OR2T10: variants seen among roughly 807,000 people sequenced by gnomAD.
OR2T10 encodes the protein olfactory receptor 2T10.
For synonymous variants in OR2T10, 125 were observed against 141.8 expected (o/e 0.88, Z 0.84); for missense variants, 335 against 382.5 (o/e 0.88, Z 1.04).
Position 248,591,965 on chromosome 1 carries a change from A to G in OR2T10, c.*865T>C, listed in dbSNP as rs763730172. The stretch of plus-strand genomic sequence containing the variant: ...ATGTTATTTGTTAAATACAAATACA[A>G]CCATGCACATACGTAAAACTGTGAT... On this transcript the variant is annotated 3_prime_UTR_variant, in exon 2 of 2. Coordinates refer to ENST00000642090, the MANE Select transcript of OR2T10 (RefSeq NM_001004693.2). 2.1e-5 allele frequency: 3 copies of G among 144,376 alleles called. 1 individual carries two copies. Among genetic ancestry groups the G allele is most frequent in the Non-Finnish European group, 3.0e-5 (2 of 66,486 alleles). The allele number at this position is 144,376 out of a possible 1,614,324, so 8.9% of individuals were successfully genotyped here.
chr1:248,590,657 G>A lies in OR2T10; in HGVS notation c.*2173C>T, dbSNP rs1029438998. The A allele has an allele frequency of 7.0e-5, 10 of 142,694 alleles. 2 individuals carry two copies. Among genetic ancestry groups the A allele is most frequent in the Admixed American group, 1.4e-4 (2 of 14,658 alleles). The allele number at this position is 142,694 out of a possible 1,614,324, so 8.8% of individuals were successfully genotyped here. ...ATTCTATTTGGCCCATCTGTTTCAC[G>A]TCTCTTTTTCATTCTTTCGTTGCTT... On this transcript the variant is annotated 3_prime_UTR_variant, in exon 2 of 2. Transcript: ENST00000642090.
chr1:248,595,968 C>G (rs1406103178), intron 1 of OR2T10, among the ~76,000 whole-genome samples: 1 of 143,262 alleles, frequency 7.0e-6, no homozygotes, highest in Non-Finnish European at 1.5e-5. Context: ...CAGCCCTGCT[C>G]CAGCCACTGT....
chr1:248,596,331 C>T (rs1379590583), intron 1 of OR2T10, among the ~76,000 whole-genome samples: 2 of 142,988 alleles, frequency 1.4e-5, no homozygotes, highest in Admixed American at 6.8e-5. Flanking sequence ...AACTCTAGGT[C>T]TATGTAAGGA....
rs1171926109 is a variant in OR2T10, at chr1:248,596,712, T to A, written c.-29+780A>T. On this transcript the variant is annotated intron_variant, in intron 1 of 1. Coordinates refer to ENST00000642090, the MANE Select transcript of OR2T10 (RefSeq NM_001004693.2). ...ACTGCTATTTCCAAAATGAAACCTT[T>A]ATGACAAAGCAAGCAAACCAGTTGT... Among the ~76,000 whole-genome samples the A allele has an allele frequency of 1.4e-5, 2 of 143,944 alleles. 1 individual carries two copies. 94.4% of individuals were successfully genotyped at this position (143,944 alleles called of 152,430 possible). A position where few individuals can be genotyped will look rare whatever the true frequency, so the allele number is the denominator to read the frequency against.
rs1264671587 is a variant in OR2T10 at position 248,593,654 on chromosome 1, C to T, written c.115G>A (p.Val39Met). 1 of 1,559,010 alleles carries T rather than the reference C, an allele frequency of 6.4e-7. No homozygotes were observed. Among genetic ancestry groups the T allele is most frequent in the Non-Finnish European group, 8.7e-7 (1 of 1,147,002 alleles). The change falls in exon 2 of 2, where the codon GTG becomes ATG. Residue 39 changes from valine to methionine, a missense_variant. Val to Met is a conservative substitution (Grantham distance 21). Transcript: ENST00000642090. ...AGTATCAATGTAATATTCCAAGACA[C>T]AGCCATCAAAAATATACTGAAGATA... ...LLIFSIFLMA[V>M]SWNITLILLI... is the part of the protein sequence containing the mutation.
At position 248,592,703 on chromosome 1, in the gene OR2T10, C is replaced by A. The variant is rs1660028570; in HGVS notation, c.*127G>T. On this transcript the variant is annotated 3_prime_UTR_variant, in exon 2 of 2. Transcript: ENST00000642090. Reference sequence around the variant, plus strand: ...GATTATAGGAGGGAAGAACACTGGGCTGAATCCCCCTGAAGGACAACTCAG... The same window carrying A: ...GATTATAGGAGGGAAGAACACTGGGATGAATCCCCCTGAAGGACAACTCAG... 8.6e-6 allele frequency: 5 copies of A among 579,922 alleles called. No individual in the cohort carries two copies. In the Admixed American group the frequency reaches 9.3e-5, roughly 11 times the overall value. 35.9% of individuals were successfully genotyped at this position (579,922 alleles called of 1,614,324 possible). A position where few individuals can be genotyped will look rare whatever the true frequency, so the allele number is the denominator to read the frequency against.
At position 248,595,159 on chromosome 1, in the gene OR2T10, CTA is replaced by C. The variant is rs1660072590; in HGVS notation, c.-28-1365_-28-1364del. 1.4e-5 allele frequency: 2 copies of C among 142,932 alleles called. 1 individual carries two copies. Among genetic ancestry groups the C allele is most frequent in the African/African-American group, 5.6e-5 (2 of 36,020 alleles). 8.9% of individuals were successfully genotyped at this position (142,932 alleles called of 1,614,324 possible). ...GGTCAGCCCTTTCCCGTTGATAGCACTATCTTTCTCTTGTTCAGAATTCTGTG... is the reference window on the plus strand; with the variant it reads ...GGTCAGCCCTTTCCCGTTGATAGCACTCTTTCTCTTGTTCAGAATTCTGTG... On this transcript the variant is annotated intron_variant, in intron 1 of 1. Transcript: ENST00000642090.
chr1:248,594,306 C>T (rs1469753516), intron 1 of OR2T10, among the ~76,000 whole-genome samples: 2 of 143,246 alleles, frequency 1.4e-5, no homozygotes, highest in African/African-American at 2.8e-5. Flanking sequence ...TATATTAAGC[C>T]ACCAGTAATT....
In OR2T10 at chr1:248,596,061, CAAAT is replaced by C. The variant is rs770418647; in HGVS notation, c.-29+1427_-29+1430del. ...CCTGGACCAAAGGCGAAACCTGAGACAAATAAAACACACATGTGCCAAATTGAAT... is the reference window on the plus strand; with the variant it reads ...CCTGGACCAAAGGCGAAACCTGAGACAAAACACACATGTGCCAAATTGAAT... On this transcript the variant is annotated intron_variant, in intron 1 of 1. Coordinates refer to ENST00000642090, the MANE Select transcript of OR2T10 (RefSeq NM_001004693.2). Among the ~76,000 whole-genome samples the C allele has an allele frequency of 1.0e-4, 15 of 143,414 alleles. 1 individual carries two copies. The highest frequency in any genetic ancestry group is 6.1e-4 in the Admixed American group (9 of 14,680). The allele number at this position is 143,414 out of a possible 152,430, so 94.1% of individuals were successfully genotyped here. A position where few individuals can be genotyped will look rare whatever the true frequency, so the allele number is the denominator to read the frequency against.
intron 1 of OR2T10, among the ~76,000 whole-genome samples, chr1:248,595,923 A>C (rs1311375950): frequency 7.0e-6 from 1 of 143,412 alleles, no homozygotes; most frequent in Non-Finnish European, 1.5e-5. Context: ...CTCAGAAAGC[A>C]GAGAATCAGG....
Position 248,592,851 on chromosome 1 carries a change from G to A in OR2T10, c.918C>T (p.Ser306=), listed in dbSNP as rs61732538. 892 of 1,547,610 alleles carry A rather than the reference G, an allele frequency of 5.8e-4. 171 individuals are homozygous for A. The African/African-American group carries it at 0.012, about 21-fold the overall frequency. The change falls in exon 2 of 2, where the codon AGC becomes AGT. Residue 306 remains serine, a synonymous_variant. Coordinates refer to ENST00000642090, the MANE Select transcript of OR2T10 (RefSeq NM_001004693.2). Reference sequence around the variant, plus strand: ...CACTTTAATATGGAGGTTTCTGCACGCTCAGCATTTTTTTCAAAGCCCTTG... The same window carrying A: ...CACTTTAATATGGAGGTTTCTGCACACTCAGCATTTTTTTCAAAGCCCTTG... ...DVTRALKKML[S]VQKPPY is the part of the protein sequence containing the mutation.
In OR2T10 at chr1:248,597,528, T is replaced by C. The variant is rs1660110536; in HGVS notation, c.-65A>G. On this transcript the variant is annotated 5_prime_UTR_variant, in exon 1 of 2. An upstream open reading frame in the 5' UTR loses its in-frame stop. Coordinates refer to ENST00000642090, the MANE Select transcript of OR2T10 (RefSeq NM_001004693.2). ...AAGAAATGTAATACCCTGAGGAATT[T>C]TATTTCCAATAAGATACTTCCAGTA... The C allele has an allele frequency of 7.0e-6, 1 of 143,534 alleles. No homozygotes were observed. Among genetic ancestry groups the C allele is most frequent in the Admixed American group, 6.8e-5 (1 of 14,732 alleles). 8.9% of individuals were successfully genotyped at this position (143,534 alleles called of 1,614,324 possible). A position where few individuals can be genotyped will look rare whatever the true frequency, so the allele number is the denominator to read the frequency against.
chr1:248,597,291 T>TA (rs1373922947), intron 1 of OR2T10, among the ~76,000 whole-genome samples: 2 of 141,698 alleles, frequency 1.4e-5, no homozygotes, highest in African/African-American at 5.6e-5. Context: ...TTCTAAATTA[T>TA]AGCTTTGTAT....
At position 248,591,958 on chromosome 1, in the gene OR2T10, A is replaced by C. The variant is rs1476800234; in HGVS notation, c.*872T>G. The C allele has an allele frequency of 6.9e-6, 1 of 144,380 alleles. No homozygotes were observed. Among genetic ancestry groups the C allele is most frequent in the Non-Finnish European group, 1.5e-5 (1 of 66,486 alleles). 8.9% of individuals were successfully genotyped at this position (144,380 alleles called of 1,614,324 possible). A position where few individuals can be genotyped will look rare whatever the true frequency, so the allele number is the denominator to read the frequency against. On this transcript the variant is annotated 3_prime_UTR_variant, in exon 2 of 2. Transcript: ENST00000642090. ...AATTATTATGTTATTTGTTAAATACAAATACAACCATGCACATACGTAAAA... is the reference window on the plus strand; with the variant it reads ...AATTATTATGTTATTTGTTAAATACCAATACAACCATGCACATACGTAAAA...
At chr1:248,594,063 ATTTT>A (rs1467210176) in intron 1 of OR2T10, among the ~76,000 whole-genome samples, 2 of 140,768 alleles carry the variant, frequency 1.4e-5, no homozygotes, top group African/African-American at 5.8e-5. Context: ...ACTAATAGTT[ATTTT>A]TACTTATATA....
At chr1:248,594,260 T>A (rs1345688412) in intron 1 of OR2T10, among the ~76,000 whole-genome samples, 1 of 143,038 alleles carries the variant, frequency 7.0e-6, no homozygotes, top group Non-Finnish European at 1.5e-5. Context: ...TCGTTACAAA[T>A]CTACGAACAT....
At position 248,593,868 on chromosome 1, in the gene OR2T10, C is replaced by A. The variant is rs532129085; in HGVS notation, c.-28-72G>T. The A allele has an allele frequency of 9.5e-6, 6 of 633,864 alleles. 1 individual carries two copies. In the Admixed American group the frequency reaches 1.5e-4, roughly 16 times the overall value. The allele number at this position is 633,864 out of a possible 1,614,324, so 39.3% of individuals were successfully genotyped here. On this transcript the variant is annotated intron_variant, in intron 1 of 1. Coordinates refer to ENST00000642090, the MANE Select transcript of OR2T10 (RefSeq NM_001004693.2). ...TAAAAGTATGTTTGCTTCACTTTAC[C>A]TTTTAAAAATCAATGTGAAAATCAG...
In OR2T10 at chr1:248,592,348, C is replaced by T. The variant is rs1660022291; in HGVS notation, c.*482G>A. ...CTGCTTGGGGCAAGTCAGGGGAAGCCTCAAAGGCTGTTTTGTCATTTGTGA... is the reference window on the plus strand; with the variant it reads ...CTGCTTGGGGCAAGTCAGGGGAAGCTTCAAAGGCTGTTTTGTCATTTGTGA... On this transcript the variant is annotated 3_prime_UTR_variant, in exon 2 of 2. Transcript: ENST00000642090. 1 of 145,766 alleles carries T rather than the reference C, an allele frequency of 6.9e-6. No homozygotes were observed. Among genetic ancestry groups the T allele is most frequent in the Non-Finnish European group, 1.5e-5 (1 of 67,586 alleles). The allele number at this position is 145,766 out of a possible 1,614,324, so 9.0% of individuals were successfully genotyped here.
Position 248,597,020 on chromosome 1 carries a change from G to A in OR2T10, c.-29+472C>T, listed in dbSNP as rs879639585. Among the ~76,000 whole-genome samples, 8 of 143,490 alleles carry A rather than the reference G, an allele frequency of 5.6e-5. 1 individual carries two copies. The highest frequency in any genetic ancestry group is 1.1e-4 in the Non-Finnish European group (7 of 66,230). The allele number at this position is 143,490 out of a possible 152,430, so 94.1% of individuals were successfully genotyped here. On this transcript the variant is annotated intron_variant, in intron 1 of 1. Transcript: ENST00000642090. ...GAAAACTAATATTCAACATTGCTCC[G>A]ATTTTCAGAGGAAAAAATGTTTATA...
Sources: allele counts gnomAD v4.1 joint callset (sites outside exome capture counted in the v4.1 genomes callset), GRCh38; gene constraint gnomAD v4.1.1; transcripts MANE v1.5; gene names NCBI Gene and HGNC (gene_info 2026-07-23, HGNC 2026-07-21).